Variants in SUZ12 observed in about 807,000 individuals in gnomAD.
SUZ12 encodes the protein SUZ12 polycomb repressive complex 2 subunit, also known as polycomb protein SUZ12.
SUZ12 carries 17 observed loss-of-function variants against 87.3 expected under a neutral mutation model. The ratio of observed to expected loss-of-function variants is 0.19; its 90% CI spans 0.13 to 0.29. The LOEUF is 0.29. Among genes scored for constraint, SUZ12 ranks in the 10% least tolerant of loss-of-function variants. SUZ12 has a pLI of 1.00. For missense variants in SUZ12, 526 were observed against 912.2 expected, an observed-to-expected ratio of 0.58 and a Z score of 5.45; for synonymous variants, 253 against 312.4, an observed-to-expected ratio of 0.81 and a Z score of 2.01.
chr17:31,945,128 T>C (rs1170993015), intron 3 of SUZ12, among the ~76,000 whole-genome samples: 2 of 151,756 alleles, frequency 1.3e-5, no homozygotes, highest in Non-Finnish European at 2.9e-5. Context: ...CTGATCTTAT[T>C]ACTTATTAGG....
intron 6 of SUZ12, among the ~76,000 whole-genome samples, chr17:31,974,973 A>G (rs1369749576): frequency 6.6e-6 from 1 of 152,136 alleles, no homozygotes; most frequent in South Asian, 2.1e-4. Context: ...GTTAAACAAC[A>G]TATTTTAACT....
intron 12 of SUZ12, 51 bp downstream of exon 12, chr17:31,994,059 C>CTGT: frequency 6.4e-7 from 1 of 1,557,602 alleles, no homozygotes; most frequent in Non-Finnish European, 8.7e-7. Context: ...TCTCTTGTAC[C>CTGT]CCATAAATAT....
chr17:31,995,586 A>G lies in SUZ12; in HGVS notation c.1618A>G (p.Met540Val). The G allele has an allele frequency of 6.2e-7, 1 of 1,614,062 alleles. No individual in the cohort carries two copies. Among genetic ancestry groups the G allele is most frequent in the Non-Finnish European group, 8.5e-7 (1 of 1,179,978 alleles). ...VCRPKRTKAS[M>V]SEFLESEDGE... ...TAGGCCAAAACGAACAAAAGCAAGC[A>G]TGTCTGAATTTCTTGAATCTGAAGA... The change falls in exon 14 of 16, where the codon ATG (methionine) becomes GTG (valine). Residue 540 changes from methionine (M) to valine (V), a missense_variant. Physicochemically the swap from Met to Val is conservative, Grantham distance 21. Coordinates refer to ENST00000322652, the MANE Select transcript of SUZ12 (RefSeq NM_015355.4).
intron 8 of SUZ12, among the ~76,000 whole-genome samples, chr17:31,980,358 G>C (rs1909023484): frequency 6.9e-6 from 1 of 144,904 alleles, no homozygotes; most frequent in Non-Finnish European, 1.5e-5. Context: ...GTAGGCTTCT[G>C]TGTCCTGTTT....
At position 31,937,406 on chromosome 17, in the gene SUZ12, G is replaced by GCCTCCT. The variant is rs774288551; in HGVS notation, c.172_177dup (p.Ser58_Ser59dup). Reference sequence around the variant, plus strand: ...CTGTGGAGGGGGTGGCAGTTACTCGGCCTCCTCCTCCTCCTCCGCGGCGGC... The same window carrying GCCTCCT: ...CTGTGGAGGGGGTGGCAGTTACTCGGCCTCCTCCTCCTCCTCCTCCTCCGCGGCGGC... On this transcript the variant is annotated inframe_insertion, in exon 1 of 16. Transcript: ENST00000322652. 7.1e-6 allele frequency: 11 copies of GCCTCCT among 1,539,708 alleles called. No individual in the cohort carries two copies. The highest frequency in any genetic ancestry group is 4.8e-5 in the South Asian group (4 of 83,466).
At chr17:31,956,724 TTATTTTA>T (rs1313399667) in intron 4 of SUZ12, among the ~76,000 whole-genome samples, 1 of 151,778 alleles carries the variant, frequency 6.6e-6, no homozygotes. Flanking sequence ...CTTAAATTAT[TTATTTTA>T]TTTTCTCTCT....
chr17:31,972,240 G>T (rs182844162), intron 5 of SUZ12, among the ~76,000 whole-genome samples: 1 of 151,798 alleles, frequency 6.6e-6, no homozygotes, highest in Non-Finnish European at 1.5e-5. Flanking sequence ...AACCAAGATC[G>T]CCCTACTGCA....
intron 1 of SUZ12, among the ~76,000 whole-genome samples, chr17:31,938,576 T>C (rs1277192547): frequency 6.6e-6 from 1 of 152,232 alleles, no homozygotes; most frequent in Non-Finnish European, 1.5e-5. Flanking sequence ...TGGAAACGAA[T>C]ATTGAACCTG....
intron 4 of SUZ12, among the ~76,000 whole-genome samples, chr17:31,955,190 A>G (rs1459618016): frequency 2.7e-5 from 4 of 149,816 alleles, no homozygotes; most frequent in Non-Finnish European, 4.5e-5. Flanking sequence ...ACAGCCATGA[A>G]CTCCTGGGCT....
At chr17:31,963,518 G>C (rs1423015565) in intron 4 of SUZ12, among the ~76,000 whole-genome samples, 1 of 150,780 alleles carries the variant, frequency 6.6e-6, no homozygotes, top group African/African-American at 2.5e-5. Flanking sequence ...TGTTTTTTGA[G>C]ACAGAGTCTC....
chr17:31,968,249 G>A (rs1049017145), intron 5 of SUZ12, among the ~76,000 whole-genome samples: 2 of 151,992 alleles, frequency 1.3e-5, no homozygotes, highest in Non-Finnish European at 2.9e-5. Flanking sequence ...GACTCTTTGG[G>A]GGTTGTTTGT....
intron 8 of SUZ12, among the ~76,000 whole-genome samples, chr17:31,980,428 C>CTTT (rs1909028922): frequency 1.2e-5 from 1 of 81,870 alleles, no homozygotes; most frequent in Non-Finnish European, 2.7e-5. Flanking sequence ...ATCACCTTCT[C>CTTT]CTTTTTTTTT....
intron 9 of SUZ12, among the ~76,000 whole-genome samples, chr17:31,984,732 C>A (rs1909311914): frequency 6.6e-6 from 1 of 152,114 alleles, no homozygotes; most frequent in Non-Finnish European, 1.5e-5. Flanking sequence ...CAGTACTCAA[C>A]CTTATTAGTA....
At chr17:31,949,224 A>T (rs1042654044) in intron 4 of SUZ12, among the ~76,000 whole-genome samples, 6 of 152,160 alleles carry the variant, frequency 3.9e-5, no homozygotes, top group African/African-American at 1.4e-4. Context: ...TGGGAGATAC[A>T]TACTGTTCAA....
chr17:31,972,345 G>A (rs1013926594), intron 5 of SUZ12, among the ~76,000 whole-genome samples: 1 of 147,140 alleles, frequency 6.8e-6, no homozygotes, highest in Non-Finnish European at 1.5e-5. Context: ...ATATATATGT[G>A]TATATATATA....
intron 4 of SUZ12, among the ~76,000 whole-genome samples, chr17:31,951,875 A>G (rs1257418762): frequency 6.6e-6 from 1 of 151,046 alleles, no homozygotes; most frequent in Non-Finnish European, 1.5e-5. Flanking sequence ...CCCAGGTTCA[A>G]GAGATTCTCC....
intron 8 of SUZ12, among the ~76,000 whole-genome samples, chr17:31,980,339 C>A: frequency 6.6e-6 from 1 of 150,488 alleles, no homozygotes; most frequent in Non-Finnish European, 1.5e-5. Flanking sequence ...TCAGGAGGAG[C>A]CCTTCTAAGT....
At chr17:31,943,850 A>G in intron 3 of SUZ12, among the ~76,000 whole-genome samples, 1 of 151,948 alleles carries the variant, frequency 6.6e-6, no homozygotes, top group Non-Finnish European at 1.5e-5. Flanking sequence ...GGCGTGTGGC[A>G]CTACACCCAG....
intron 4 of SUZ12, among the ~76,000 whole-genome samples, chr17:31,954,984 TTTG>T (rs958269644): frequency 1.1e-4 from 16 of 152,324 alleles, no homozygotes; most frequent in Admixed American, 5.9e-4. Flanking sequence ...GTTCGTTCTT[TTTG>T]TTGTTGTTGT....
Sources: gnomAD v4.1 joint callset for allele counts (sites outside exome capture counted in the v4.1 genomes callset) on GRCh38, gnomAD v4.1.1 for gene constraint, MANE v1.5 for transcripts, NCBI Gene and HGNC (gene_info 2026-07-23, HGNC 2026-07-21) for gene names.